TBCK: variants seen among roughly 807,000 people sequenced by gnomAD.
TBCK encodes TBC1 domain containing kinase, also known as TBC domain-containing protein kinase-like protein.
In TBCK, 99 loss-of-function variants were observed where a neutral mutation model predicts 113.4. That is an observed-to-expected ratio of 0.87 (90% CI 0.74 to 1.03). The LOEUF (loss-of-function observed/expected upper bound fraction) is 1.03. TBCK is among the 50% of genes least tolerant of loss of function. The pLI is 0.00. For synonymous variants in TBCK, 369 were observed against 370.8 expected, an observed-to-expected ratio of 1.00 and a Z score of 0.05; for missense variants, 1,045 against 1,061.3, an observed-to-expected ratio of 0.98 and a Z score of 0.21.
chr4:106,296,372 T>C (rs930703161), intron 2 of TBCK, among the ~76,000 whole-genome samples: 2 of 152,112 alleles, frequency 1.3e-5, no homozygotes, highest in Non-Finnish European at 2.9e-5. Flanking sequence ...AAGGTAAAGG[T>C]GCAAAGAAAC....
At chr4:106,076,309 A>T (rs1448008448) in intron 25 of TBCK, among the ~76,000 whole-genome samples, 1 of 152,196 alleles carries the variant, frequency 6.6e-6, no homozygotes, top group Non-Finnish European at 1.5e-5. Context: ...GAACCTAAAC[A>T]TGTGATTTTA....
chr4:106,209,863 T>C (rs1211627712), intron 20 of TBCK, among the ~76,000 whole-genome samples: 1 of 152,164 alleles, frequency 6.6e-6, no homozygotes, highest in East Asian at 1.9e-4. Context: ...TTCAAAAATA[T>C]CTGAAAATCT....
intron 3 of TBCK, among the ~76,000 whole-genome samples, chr4:106,290,476 G>A (rs546862631): frequency 1.8e-4 from 27 of 151,932 alleles, no homozygotes; most frequent in South Asian, 4.1e-4. Flanking sequence ...ACACCCGGCC[G>A]GAATAATATA....
intron 23 of TBCK, among the ~76,000 whole-genome samples, chr4:106,159,774 C>A (rs112936174): frequency 6.6e-6 from 1 of 151,958 alleles, no homozygotes; most frequent in Non-Finnish European, 1.5e-5. Flanking sequence ...AATAGAAAGA[C>A]CTATCCCAAA....
Position 106,290,313 on chromosome 4 carries a change from G to A in TBCK, c.266+4781C>T, listed in dbSNP as rs1406866082. On this transcript the variant is annotated intron_variant, in intron 3 of 25. Transcript: ENST00000394708. ...CTGCCTCAGCCTCCTGGGTAGCTGG[G>A]ACTACAGGCGCCTGCCACCACGCCT... is the stretch of plus-strand genomic sequence containing the variant. Among the ~76,000 whole-genome samples the A allele has an allele frequency of 2.0e-5, 3 of 152,078 alleles. No homozygotes were observed. In the East Asian group the frequency reaches 5.8e-4, roughly 29 times the overall value.
At chr4:106,122,384 T>C (rs1408924374) in intron 23 of TBCK, among the ~76,000 whole-genome samples, 2 of 152,158 alleles carry the variant, frequency 1.3e-5, no homozygotes, top group Admixed American at 6.5e-5. Flanking sequence ...CAATAATCAA[T>C]AGTTTACCAA....
At chr4:106,233,477 G>C (rs778363853) in intron 16 of TBCK, 111 bp downstream of exon 16, 25 of 778,926 alleles carry the variant, frequency 3.2e-5, no homozygotes, top group Non-Finnish European at 4.8e-5. Flanking sequence ...ATATATGTAT[G>C]CAGCAGTGTC....
chr4:106,208,950 C>A (rs114057622), intron 20 of TBCK, among the ~76,000 whole-genome samples: 2 of 152,136 alleles, frequency 1.3e-5, no homozygotes, highest in African/African-American at 4.8e-5. Flanking sequence ...CTGGCTCAGC[C>A]GCAGAGCAAG....
intron 23 of TBCK, among the ~76,000 whole-genome samples, chr4:106,145,312 A>G (rs1283568624): frequency 6.6e-6 from 1 of 152,194 alleles, no homozygotes; most frequent in Non-Finnish European, 1.5e-5. Context: ...GTGAGACTCC[A>G]TCTCAGAAAC....
At chr4:106,178,898 G>T (rs1479974723) in intron 22 of TBCK, among the ~76,000 whole-genome samples, 1 of 151,660 alleles carries the variant, frequency 6.6e-6, no homozygotes, top group African/African-American at 2.4e-5. Flanking sequence ...TTTTATTACA[G>T]CTGCTTATCT....
intron 25 of TBCK, among the ~76,000 whole-genome samples, chr4:106,073,560 C>T (rs1163718951): frequency 6.6e-6 from 1 of 152,194 alleles, no homozygotes; most frequent in Non-Finnish European, 1.5e-5. Flanking sequence ...CCCAGTTAGG[C>T]TGCACGGGTG....
At chr4:106,249,573 T>C (rs1021249050) in intron 7 of TBCK, among the ~76,000 whole-genome samples, 1 of 152,106 alleles carries the variant, frequency 6.6e-6, no homozygotes, top group Non-Finnish European at 1.5e-5. Flanking sequence ...TTTTGTTTTG[T>C]TTTTTCATGA....
Position 106,246,823 on chromosome 4 carries a change from G to A in TBCK, c.931+316C>T, listed in dbSNP as rs923193995. Among the ~76,000 whole-genome samples the A allele has an allele frequency of 7.9e-5, 12 of 152,006 alleles. No individual in the cohort carries two copies. In the East Asian group the frequency reaches 9.7e-4, roughly 12 times the overall value. Reference sequence around the variant, plus strand: ...ACTAACTATATATATATATTTGTGCGTGTGTGCATGTACTTTGTTTTTTGT... The same window carrying A: ...ACTAACTATATATATATATTTGTGCATGTGTGCATGTACTTTGTTTTTTGT... On this transcript the variant is annotated intron_variant, in intron 10 of 25. Coordinates refer to ENST00000394708, the MANE Select transcript of TBCK (RefSeq NM_001163435.3).
chr4:106,053,841 C>A (rs1410798725), intron 25 of TBCK, among the ~76,000 whole-genome samples: 5 of 151,728 alleles, frequency 3.3e-5, no homozygotes, highest in African/African-American at 7.2e-5. Context: ...TTCTAGTTAT[C>A]TAACTAATAA....
chr4:106,119,735 T>C (rs1055290138), intron 23 of TBCK, among the ~76,000 whole-genome samples: 1 of 152,162 alleles, frequency 6.6e-6, no homozygotes, highest in African/African-American at 2.4e-5. Flanking sequence ...ACTTGCAGAA[T>C]GGGAGAAAAT....
chr4:106,275,582 T>C (rs1763938345), intron 3 of TBCK, among the ~76,000 whole-genome samples: 1 of 152,118 alleles, frequency 6.6e-6, no homozygotes, highest in East Asian at 1.9e-4. Context: ...TGTAGCAAAG[T>C]TACAGAGAAA....
intron 23 of TBCK, among the ~76,000 whole-genome samples, chr4:106,120,294 G>A (rs934992096): frequency 1.2e-4 from 19 of 152,210 alleles, no homozygotes; most frequent in African/African-American, 2.4e-4. Context: ...ATTATATCCC[G>A]CACCTGGCTC....
chr4:106,175,136 A>G (rs1274487025), intron 22 of TBCK, among the ~76,000 whole-genome samples: 1 of 151,626 alleles, frequency 6.6e-6, no homozygotes, highest in Non-Finnish European at 1.5e-5. Context: ...CTCTCTCAAA[A>G]AAAAAAAAAA....
intron 25 of TBCK, among the ~76,000 whole-genome samples, chr4:106,051,803 TG>T (rs1490554312): frequency 1.3e-5 from 2 of 151,956 alleles, no homozygotes; most frequent in East Asian, 3.9e-4. Context: ...ATAAATGAAG[TG>T]CTGTCTTGTT....
Sources: allele counts gnomAD v4.1 joint callset (sites outside exome capture counted in the v4.1 genomes callset), GRCh38; gene constraint gnomAD v4.1.1; transcripts MANE v1.5; gene names NCBI Gene and HGNC (gene_info 2026-07-23, HGNC 2026-07-21).